The following NKD1 variants were observed in gnomAD, a reference collection of about 807,000 sequenced individuals.
The protein encoded by NKD1 is protein naked cuticle homolog 1.
NKD1 carries 21 observed loss-of-function variants against 56.0 expected under a neutral mutation model. That is an observed-to-expected ratio of 0.38 (90% CI 0.27 to 0.54). NKD1 has a LOEUF of 0.54. Ranked by LOEUF, NKD1 falls within the 20% of genes least tolerant of loss-of-function variation. The probability of loss-of-function intolerance (pLI) is 0.82; values close to 1 mark genes in which losing one functional copy is unlikely to be tolerated. For synonymous variants in NKD1, 263 were observed against 265.7 expected (o/e 0.99, Z 0.10); for missense variants, 578 against 642.7 (o/e 0.90, Z 1.09).
intron 4 of NKD1, chr16:50,615,959 A>G (rs530933328): frequency 2.3e-6 from 1 of 435,968 alleles, no homozygotes; most frequent in African/African-American, 2.0e-5. Context: ...CACATATGAT[A>G]TCTTTCTCTT....
rs777863285 is a variant in NKD1 at position 50,633,369 on chromosome 16, G to T, written c.1001G>T (p.Arg334Leu). The change falls in exon 10 of 10, where the codon CGG becomes CTG. Residue 334 changes from arginine (R) to leucine (L), a missense_variant. By Grantham distance (102) the Arg-to-Leu change is moderately radical. Coordinates refer to ENST00000268459, the MANE Select transcript of NKD1 (RefSeq NM_033119.5). The surrounding 1 kb of genome is among the most constrained non-coding windows in gnomAD (Gnocchi z 4.9). ...PIAKVSELQQ[R>L]LRGTQDGSKH... ...GCCAAGGTCTCAGAGCTCCAGCAACGGCTCCGGGGCACCCAGGACGGGAGC... is the reference window on the plus strand; with the variant it reads ...GCCAAGGTCTCAGAGCTCCAGCAACTGCTCCGGGGCACCCAGGACGGGAGC... 3.1e-6 allele frequency: 5 copies of T among 1,613,946 alleles called. No individual in the cohort carries two copies. In the African/African-American group the frequency reaches 6.7e-5, roughly 22 times the overall value.
intron 3 of NKD1, among the ~76,000 whole-genome samples, chr16:50,580,069 C>T (rs546750003): frequency 2.6e-5 from 4 of 152,136 alleles, no homozygotes; most frequent in Admixed American, 2.0e-4. Flanking sequence ...ACCGGCTAGT[C>T]GCTACACATG....
At position 50,549,496 on chromosome 16, in the gene NKD1, G is replaced by A. The variant is rs749452068; in HGVS notation, c.133G>A (p.Gly45Ser). ...GTGGATCGGGAGACAGCGCTGCCCG[G>A]GCGGTGTCTCGGGACCCCGACAGCT... ...EEWIGRQRCP[G>S]GVSGPRQLRL... The change falls in exon 3 of 10, where the codon GGC becomes AGC. Residue 45 changes from glycine (G) to serine (S), a missense_variant. Physicochemically the swap from Gly to Ser is moderately conservative, Grantham distance 56. Transcript: ENST00000268459. 1.2e-6 allele frequency: 2 copies of A among 1,609,414 alleles called. No homozygotes were observed. Among genetic ancestry groups the A allele is most frequent in the African/African-American group, 2.7e-5 (2 of 74,704 alleles).
At chr16:50,608,211 G>C (rs945778508) in intron 3 of NKD1, 83 bp from the exon 4 acceptor site, 6 of 916,996 alleles carry the variant, frequency 6.5e-6, no homozygotes, top group Non-Finnish European at 9.1e-6. Flanking sequence ...AATCAGCCCA[G>C]GGTCCTCATG....
rs994819405 is a variant in NKD1 at position 50,605,934 on chromosome 16, C to T, written c.193-2360C>T. 4.6e-5 allele frequency: 7 copies of T among 152,298 alleles called. No individual in the cohort carries two copies. In the Middle Eastern group the frequency reaches 0.014, roughly 296 times the overall value. 9.4% of individuals were successfully genotyped at this position (152,298 alleles called of 1,614,324 possible). ...CCAAAGGCGAGGCAGGCGGTACAGC[C>T]AGCATGTGATTCTGTGTTTGGCTCA... On this transcript the variant is annotated intron_variant, in intron 3 of 9. Coordinates refer to ENST00000268459, the MANE Select transcript of NKD1 (RefSeq NM_033119.5).
At chr16:50,614,840 A>G (rs544733676) in intron 4 of NKD1, among the ~76,000 whole-genome samples, 236 of 152,306 alleles carry the variant, frequency 1.5e-3, no homozygotes, top group Non-Finnish European at 2.4e-3. Context: ...ACAAATACAA[A>G]CACATATGAC....
intron 3 of NKD1, among the ~76,000 whole-genome samples, chr16:50,550,122 G>T (rs1376765279): frequency 6.6e-6 from 1 of 151,920 alleles, no homozygotes; most frequent in Non-Finnish European, 1.5e-5. Flanking sequence ...TTCCACTGTA[G>T]CCTGGGCAGA....
intron 3 of NKD1, among the ~76,000 whole-genome samples, chr16:50,592,242 G>C (rs983113044): frequency 1.3e-5 from 2 of 152,176 alleles, no homozygotes; most frequent in South Asian, 2.1e-4. Flanking sequence ...CGCCGCCTGG[G>C]GGCTGCTGGA....
rs142743935 is a variant in NKD1, at chr16:50,632,298, G to T, written c.713G>T (p.Arg238Leu). 4 of 1,614,072 alleles carry T rather than the reference G, an allele frequency of 2.5e-6. No individual in the cohort carries two copies. The South Asian group carries it at 3.3e-5, about 13-fold the overall frequency. Residue 238 changes from arginine to leucine, a missense_variant, in exon 9 of 10, where the codon CGC (arginine) becomes CTC (leucine). Physicochemically the swap from Arg to Leu is moderately radical, Grantham distance 102. Transcript: ENST00000268459. The surrounding 1 kb of genome is among the most constrained non-coding windows in gnomAD (Gnocchi z 4.1). The part of the protein sequence containing the change: ...RAPLRFQGDS[R>L]LEQSGCYHHC... ...TGCCGTAGGTTCCAGGGTGACAGCCGCCTGGAGCAGTCTGGCTGCTACCAC... is the reference window on the plus strand; with the variant it reads ...TGCCGTAGGTTCCAGGGTGACAGCCTCCTGGAGCAGTCTGGCTGCTACCAC...
At chr16:50,564,190 T>C (rs1320875658) in intron 3 of NKD1, among the ~76,000 whole-genome samples, 1 of 152,248 alleles carries the variant, frequency 6.6e-6, no homozygotes, top group Non-Finnish European at 1.5e-5. Flanking sequence ...GCCATGGCCA[T>C]GGTGGGGAAT....
At chr16:50,612,639 G>A (rs1026330776) in intron 4 of NKD1, among the ~76,000 whole-genome samples, 5 of 152,212 alleles carry the variant, frequency 3.3e-5, no homozygotes, top group Non-Finnish European at 7.3e-5. Context: ...TGATGTTTCA[G>A]CTGAGATGCA....
At chr16:50,592,775 G>A (rs1229631650) in intron 3 of NKD1, among the ~76,000 whole-genome samples, 1 of 152,068 alleles carries the variant, frequency 6.6e-6, no homozygotes, top group Non-Finnish European at 1.5e-5. Flanking sequence ...GGGTGGTGAT[G>A]GGGAGGGGGA....
rs543914735 is a variant in NKD1, at chr16:50,598,641, G to A, written c.193-9653G>A. On this transcript the variant is annotated intron_variant, in intron 3 of 9. Transcript: ENST00000268459. This position sits in a 1 kb window ranked among gnomAD's most constrained non-coding sequence, Gnocchi z 4.2. ...GGGCCAGGAACTGCTGGCAGATGCC[G>A]CCCCAGCTGCTTGGTGATCAGAGGC... 6.5e-4 allele frequency among the ~76,000 whole-genome samples: 99 copies of A among 152,304 alleles called. 1 individual carries two copies. Among genetic ancestry groups the A allele is most frequent in the African/African-American group, 2.2e-3 (93 of 41,562 alleles).
intron 3 of NKD1, among the ~76,000 whole-genome samples, chr16:50,594,087 T>A (rs1023848083): frequency 6.8e-6 from 1 of 148,002 alleles, no homozygotes; most frequent in Non-Finnish European, 1.5e-5. Context: ...GGGCACAAGG[T>A]GCTTAGAACA....
chr16:50,597,511 T>A (rs1024823046), intron 3 of NKD1, among the ~76,000 whole-genome samples: 1 of 152,234 alleles, frequency 6.6e-6, no homozygotes, highest in African/African-American at 2.4e-5. Flanking sequence ...AAAATTCAAA[T>A]CACCCAGAAA....
chr16:50,566,017 T>A (rs1439566065), intron 3 of NKD1: 3 of 255,294 alleles, frequency 1.2e-5, no homozygotes, highest in Non-Finnish European at 1.8e-5. Flanking sequence ...ACACTGCACA[T>A]CCTGATATGA....
chr16:50,585,830 G>A (rs2151270428), intron 3 of NKD1, among the ~76,000 whole-genome samples: 1 of 152,342 alleles, frequency 6.6e-6, no homozygotes, highest in Middle Eastern at 3.4e-3. Context: ...ACCCCTGGGT[G>A]TCACAGACGT....
At chr16:50,604,155 G>A (rs1180146136) in intron 3 of NKD1, among the ~76,000 whole-genome samples, 1 of 152,254 alleles carries the variant, frequency 6.6e-6, no homozygotes, top group Non-Finnish European at 1.5e-5. Context: ...AGCCCCACAT[G>A]TGGGTTTCCC....
chr16:50,585,592 C>T (rs1024530302), intron 3 of NKD1, among the ~76,000 whole-genome samples: 1 of 152,196 alleles, frequency 6.6e-6, no homozygotes, highest in African/African-American at 2.4e-5. Context: ...GCCTTGCTGC[C>T]TCCAAGATCC....
Sources: allele counts gnomAD v4.1 joint callset (sites outside exome capture counted in the v4.1 genomes callset), GRCh38; gene constraint gnomAD v4.1.1; non-coding constraint Gnocchi (gnomAD v3.1); transcripts MANE v1.5; gene names NCBI Gene and HGNC (gene_info 2026-07-23, HGNC 2026-07-21).